ARF3: variants seen among roughly 807,000 people sequenced by gnomAD.
The protein encoded by ARF3 is ARF GTPase 3.
ARF3 carries 5 observed loss-of-function variants against 19.3 expected under a neutral mutation model. The observed-to-expected ratio is 0.26, with a 90% CI of 0.14 to 0.54. The LOEUF (loss-of-function observed/expected upper bound fraction) is 0.54. Ranked by LOEUF, ARF3 falls within the 20% of genes least tolerant of loss-of-function variation. The pLI is 0.95. For synonymous variants in ARF3, 71 were observed against 89.2 expected (o/e 0.80, Z 1.15); for missense variants, 77 against 234.2 (o/e 0.33, Z 4.38).
intron 1 of ARF3, among the ~76,000 whole-genome samples, chr12:48,943,759 C>T (rs747539270): frequency 2.0e-5 from 3 of 152,174 alleles, no homozygotes; most frequent in Non-Finnish European, 4.4e-5. Flanking sequence ...AAAGGCCTCC[C>T]CAGACAGCCA....
intron 1 of ARF3, among the ~76,000 whole-genome samples, chr12:48,955,490 A>G (rs1940547544): frequency 6.6e-6 from 1 of 152,214 alleles, no homozygotes; most frequent in African/African-American, 2.4e-5. Flanking sequence ...AGTTTCCATT[A>G]TCTATGCCTA....
chr12:48,954,640 A>T (rs1185167935), intron 1 of ARF3, among the ~76,000 whole-genome samples: 1 of 152,262 alleles, frequency 6.6e-6, no homozygotes, highest in African/African-American at 2.4e-5. Context: ...AATTAGCAGA[A>T]GCAGGATTTG....
intron 1 of ARF3, among the ~76,000 whole-genome samples, chr12:48,946,969 G>A (rs1940369755): frequency 6.6e-6 from 1 of 152,266 alleles, no homozygotes; most frequent in Non-Finnish European, 1.5e-5. Flanking sequence ...GGAAGACCAG[G>A]GTCTCCCAAA....
intron 1 of ARF3, among the ~76,000 whole-genome samples, chr12:48,948,954 A>G (rs1940412864): frequency 6.6e-6 from 1 of 152,164 alleles, no homozygotes; most frequent in Non-Finnish European, 1.5e-5. Context: ...TAGAAAGGGG[A>G]AAGACTGGAG....
rs1940212964 is a variant in ARF3, at chr12:48,939,517, G to T, written c.384+138C>A. On this transcript the variant is annotated intron_variant, in intron 4 of 4. Coordinates refer to ENST00000256682, the MANE Select transcript of ARF3 (RefSeq NM_001659.3). This position sits in a 1 kb window ranked among gnomAD's most constrained non-coding sequence, Gnocchi z 4.8. ...TGGGGCACAAGAAGAGGGGCATAAAGAAGCCAAGTGCTCAGTTTCCCACGC... is the reference window on the plus strand; with the variant it reads ...TGGGGCACAAGAAGAGGGGCATAAATAAGCCAAGTGCTCAGTTTCCCACGC... The T allele has an allele frequency of 8.4e-7, 1 of 1,197,346 alleles. No individual in the cohort carries two copies. The highest frequency in any genetic ancestry group is 1.2e-6 in the Non-Finnish European group (1 of 852,352). The allele number at this position is 1,197,346 out of a possible 1,614,324, so 74.2% of individuals were successfully genotyped here. A position where few individuals can be genotyped will look rare whatever the true frequency, so the allele number is the denominator to read the frequency against.
In ARF3 at chr12:48,939,583, T is replaced by C; in HGVS notation, c.384+72A>G. On this transcript the variant is annotated intron_variant, in intron 4 of 4. Transcript: ENST00000256682. The surrounding 1 kb of genome is among the most constrained non-coding windows in gnomAD (Gnocchi z 4.8). ...CATACTAAAAGGGTTAACCATATAA[T>C]AGGCCCAAGAGCCAACAATTTCCAC... 6.2e-7 allele frequency: 1 copy of C among 1,604,516 alleles called. No individual in the cohort carries two copies.
At chr12:48,941,965 G>A (rs1384678848) in intron 1 of ARF3, among the ~76,000 whole-genome samples, 1 of 152,170 alleles carries the variant, frequency 6.6e-6, no homozygotes, top group Non-Finnish European at 1.5e-5. Flanking sequence ...CTGCAATGAG[G>A]CAGTCATCTC....
At position 48,939,903 on chromosome 12, in the gene ARF3, G is replaced by A; in HGVS notation, c.259+94C>T. On this transcript the variant is annotated intron_variant, in intron 3 of 4. Coordinates refer to ENST00000256682, the MANE Select transcript of ARF3 (RefSeq NM_001659.3). The surrounding 1 kb of genome is among the most constrained non-coding windows in gnomAD (Gnocchi z 4.8). ...CTTTCCTCCCTTTCTTCTGCCCCCA[G>A]GAGCTGCAGCAGGGTAACAGTTGGC... is the stretch of plus-strand genomic sequence containing the variant. The A allele has an allele frequency of 6.3e-7, 1 of 1,589,872 alleles. No homozygotes were observed. Among genetic ancestry groups the A allele is most frequent in the Non-Finnish European group, 8.6e-7 (1 of 1,159,144 alleles).
At position 48,937,187 on chromosome 12, in the gene ARF3, T is replaced by C. The variant is rs1485777994; in HGVS notation, c.*1760A>G. 6.6e-6 allele frequency: 1 copy of C among 152,272 alleles called. No homozygotes were observed. The highest frequency in any genetic ancestry group is 1.5e-5 in the Non-Finnish European group (1 of 68,050). 9.4% of individuals were successfully genotyped at this position (152,272 alleles called of 1,614,324 possible). A position where few individuals can be genotyped will look rare whatever the true frequency, so the allele number is the denominator to read the frequency against. ...GTTCAATCTTGGATGGGGTTACTAA[T>C]ATTGATCCATCTGCTATCAACAAAA... On this transcript the variant is annotated 3_prime_UTR_variant, in exon 5 of 5. Transcript: ENST00000256682.
chr12:48,952,864 C>G (rs1466750060), intron 1 of ARF3, among the ~76,000 whole-genome samples: 1 of 152,246 alleles, frequency 6.6e-6, no homozygotes, highest in East Asian at 1.9e-4. Flanking sequence ...GCCCAATGTG[C>G]CTCTAGTGCA....
At position 48,936,854 on chromosome 12, in the gene ARF3, G is replaced by A. The variant is rs1453056405; in HGVS notation, c.*2093C>T. The A allele has an allele frequency of 6.6e-6, 1 of 152,244 alleles. No individual in the cohort carries two copies. Among genetic ancestry groups the A allele is most frequent in the Non-Finnish European group, 1.5e-5 (1 of 68,056 alleles). 9.4% of individuals were successfully genotyped at this position (152,244 alleles called of 1,614,324 possible). On this transcript the variant is annotated 3_prime_UTR_variant, in exon 5 of 5. Coordinates refer to ENST00000256682, the MANE Select transcript of ARF3 (RefSeq NM_001659.3). ...CAGTGAATGAGTTGAGATTGAAAAG[G>A]AAAGAGTTCAAGGAAGGAGAGGCAA...
intron 1 of ARF3, among the ~76,000 whole-genome samples, chr12:48,951,655 G>A (rs113194683): frequency 0.043 from 6,516 of 152,170 alleles, 209 homozygotes; most frequent in Non-Finnish European, 0.061. Flanking sequence ...CAAGGCGGGC[G>A]GGTCACCTGA....
chr12:48,946,085 G>A (rs1940353442), intron 1 of ARF3, among the ~76,000 whole-genome samples: 1 of 152,146 alleles, frequency 6.6e-6, no homozygotes, highest in Non-Finnish European at 1.5e-5. Context: ...TTACAGGCAC[G>A]ACCCACCACG....
At position 48,938,863 on chromosome 12, in the gene ARF3, T is replaced by G; in HGVS notation, c.*84A>C. ...ACCCAGGGCCCTGGCCACACTTGCA[T>G]GGAGAGGAAGGGGTAGGACTGGGGC... is the stretch of plus-strand genomic sequence containing the variant. On this transcript the variant is annotated 3_prime_UTR_variant, in exon 5 of 5. Transcript: ENST00000256682. The G allele has an allele frequency of 6.6e-6, 10 of 1,523,002 alleles. No homozygotes were observed. Among genetic ancestry groups the G allele is most frequent in the Admixed American group, 1.9e-5 (1 of 52,596 alleles). The allele number at this position is 1,523,002 out of a possible 1,614,324, so 94.3% of individuals were successfully genotyped here.
intron 1 of ARF3, chr12:48,953,035 A>G (rs1479593371): frequency 6.6e-6 from 1 of 152,328 alleles, no homozygotes; most frequent in Admixed American, 6.5e-5. Flanking sequence ...GTACCTCACT[A>G]GACTGTGAGC....
rs1366177166 is a variant in ARF3, at chr12:48,938,333, T to G, written c.*614A>C. 6 of 453,142 alleles carry G rather than the reference T, an allele frequency of 1.3e-5. No homozygotes were observed. The highest frequency in any genetic ancestry group is 9.3e-5 in the South Asian group (6 of 64,362). 28.1% of individuals were successfully genotyped at this position (453,142 alleles called of 1,614,324 possible). A position where few individuals can be genotyped will look rare whatever the true frequency, so the allele number is the denominator to read the frequency against. On this transcript the variant is annotated 3_prime_UTR_variant, in exon 5 of 5. Coordinates refer to ENST00000256682, the MANE Select transcript of ARF3 (RefSeq NM_001659.3). ...CGGCTTGACTAATGCCCTCCCACCT[T>G]CTTCCCTTAATCTCACCAACACGGA... is the stretch of plus-strand genomic sequence containing the variant.
intron 1 of ARF3, among the ~76,000 whole-genome samples, chr12:48,946,750 G>A (rs770703472): frequency 6.6e-6 from 1 of 152,230 alleles, no homozygotes; most frequent in African/African-American, 2.4e-5. Flanking sequence ...GGCTGTTGCT[G>A]TAACTGGCTA....
At chr12:48,950,998 G>A (rs1016638714) in intron 1 of ARF3, among the ~76,000 whole-genome samples, 4 of 151,936 alleles carry the variant, frequency 2.6e-5, no homozygotes, top group African/African-American at 9.7e-5. Context: ...TGTTGGTCAG[G>A]CTGGTCTCGA....
At chr12:48,951,507 G>A (rs929729220) in intron 1 of ARF3, among the ~76,000 whole-genome samples, 1 of 151,850 alleles carries the variant, frequency 6.6e-6, no homozygotes, top group Non-Finnish European at 1.5e-5. Flanking sequence ...AGGTTGCAGC[G>A]AGCTGAGATT....
Sources: allele counts gnomAD v4.1 joint callset (sites outside exome capture counted in the v4.1 genomes callset), GRCh38; gene constraint gnomAD v4.1.1; non-coding constraint Gnocchi (gnomAD v3.1); transcripts MANE v1.5; gene names NCBI Gene and HGNC (gene_info 2026-07-23, HGNC 2026-07-21).